N4BP2L1: variants seen among roughly 807,000 people sequenced by gnomAD.
N4BP2L1 encodes NEDD4-binding protein 2-like 1.
N4BP2L1 carries 12 observed loss-of-function variants against 21.2 expected under a neutral mutation model. The ratio of observed to expected loss-of-function variants is 0.57; its 90% CI spans 0.36 to 0.92. The LOEUF is 0.92. Among genes scored for constraint, N4BP2L1 ranks in the 40% least tolerant of loss-of-function variants. N4BP2L1 has a pLI of 0.01. For synonymous variants in N4BP2L1, 104 were observed against 112.8 expected (o/e 0.92, Z 0.49); for missense variants, 259 against 310.6 (o/e 0.83, Z 1.25).
intron 3 of N4BP2L1, chr13:32,406,741 A>AT (rs1017524632): frequency 1.3e-5 from 2 of 154,008 alleles, no homozygotes; most frequent in African/African-American, 4.8e-5. Flanking sequence ...AATTGCTGGG[A>AT]TTACAGGCGT....
chr13:32,404,310 CAAAG>C lies in N4BP2L1; in HGVS notation c.473+7_473+10del, dbSNP rs1406338844. ...GATACATAATGAGGAACTAGAAAAACAAAGAAGTACCTTGCTAACTCTTGAACGT... is the reference window on the plus strand; with the variant it reads ...GATACATAATGAGGAACTAGAAAAACAAGTACCTTGCTAACTCTTGAACGT... On this transcript the variant is annotated splice_region_variant and intron_variant, in intron 4 of 4. Coordinates refer to ENST00000380130, the MANE Select transcript of N4BP2L1 (RefSeq NM_052818.3). The C allele has an allele frequency of 6.2e-7, 1 of 1,611,914 alleles. No individual in the cohort carries two copies. The highest frequency in any genetic ancestry group is 8.5e-7 in the Non-Finnish European group (1 of 1,178,240).
At chr13:32,407,962 T>C (rs948139077) in intron 1 of N4BP2L1, among the ~76,000 whole-genome samples, 190 bp from the exon 2 acceptor site, 7 of 152,226 alleles carry the variant, frequency 4.6e-5, no homozygotes, top group Admixed American at 6.5e-5. Context: ...TAGCAGGAGA[T>C]GGGAGAGGGC....
upstream of N4BP2L1, among the ~76,000 whole-genome samples, chr13:32,429,294 G>A (rs926677264): frequency 1.3e-4 from 20 of 152,300 alleles, no homozygotes; most frequent in African/African-American, 4.6e-4. Flanking sequence ...AGGGCGGAGT[G>A]GGAGATGAGC....
chr13:32,402,558 A>G lies in N4BP2L1; in HGVS notation c.*384T>C, dbSNP rs9590958. The stretch of plus-strand genomic sequence containing the variant: ...TCTCTCCACCTTCCCAACTTTACCG[A>G]TGGAGATGAATTTCCTGAAAAAATA... On this transcript the variant is annotated 3_prime_UTR_variant, in exon 5 of 5. Coordinates refer to ENST00000380130, the MANE Select transcript of N4BP2L1 (RefSeq NM_052818.3). The G allele has an allele frequency of 8.1e-3, 8,032 of 991,736 alleles. 525 individuals carry two copies. In the African/African-American group the frequency reaches 0.13, roughly 16 times the overall value. 61.4% of individuals were successfully genotyped at this position (991,736 alleles called of 1,614,324 possible).
intron 4 of N4BP2L1, chr13:32,404,117 T>C (rs1223587375): frequency 1.9e-6 from 3 of 1,571,602 alleles, no homozygotes; most frequent in Non-Finnish European, 2.6e-6. Flanking sequence ...AGCCAAGATT[T>C]AGCATTTAGC....
intron 1 of N4BP2L1, among the ~76,000 whole-genome samples, chr13:32,423,127 G>T (rs909953479): frequency 6.6e-6 from 1 of 152,142 alleles, no homozygotes; most frequent in African/African-American, 2.4e-5. Context: ...CTGCTTATCT[G>T]GTTGTAAAGT....
At chr13:32,411,852 T>A in intron 1 of N4BP2L1, 1 of 895,798 alleles carries the variant, frequency 1.1e-6, no homozygotes, top group Non-Finnish European at 1.3e-6. Flanking sequence ...AGACATTGCA[T>A]GTAATTTTAA....
At position 32,420,122 on chromosome 13, in the gene N4BP2L1, C is replaced by T. The variant is rs186226243; in HGVS notation, c.179+7782G>A. 4.6e-4 allele frequency among the ~76,000 whole-genome samples: 70 copies of T among 152,368 alleles called. 1 individual carries two copies. The highest frequency in any genetic ancestry group is 1.1e-3 in the Admixed American group (17 of 15,310). On this transcript the variant is annotated intron_variant, in intron 1 of 4. Coordinates refer to ENST00000380130, the MANE Select transcript of N4BP2L1 (RefSeq NM_052818.3). Reference sequence around the variant, plus strand: ...CTCAGGGAACAGTTCCCAGTCTGCCCTACTTCTCTTACCTTTACCCCTCAT... The same window carrying T: ...CTCAGGGAACAGTTCCCAGTCTGCCTTACTTCTCTTACCTTTACCCCTCAT...
chr13:32,415,309 C>T (rs553954380), intron 1 of N4BP2L1, among the ~76,000 whole-genome samples: 1 of 152,286 alleles, frequency 6.6e-6, no homozygotes, highest in Admixed American at 6.5e-5. Flanking sequence ...ACTGCCACAC[C>T]CAACAAAGTG....
chr13:32,425,931 A>AG (rs1420818138), intron 1 of N4BP2L1: 1 of 152,162 alleles, frequency 6.6e-6, no homozygotes, highest in Non-Finnish European at 1.5e-5. Context: ...TCAGACTCCC[A>AG]GGCCAGTGCT....
chr13:32,418,748 G>A (rs1365055800), intron 1 of N4BP2L1, among the ~76,000 whole-genome samples: 1 of 152,230 alleles, frequency 6.6e-6, no homozygotes, highest in Non-Finnish European at 1.5e-5. Flanking sequence ...AGCATGACCT[G>A]GATATGAGAC....
rs1195569206 is a variant in N4BP2L1 at position 32,407,756 on chromosome 13, A to G, written c.196T>C (p.Phe66Leu). The G allele has an allele frequency of 3.8e-6, 6 of 1,598,800 alleles. No homozygotes were observed. The highest frequency in any genetic ancestry group is 5.1e-6 in the Non-Finnish European group (6 of 1,173,746). ...TTLARQLQHD[F>L]PRALIFSTDD... ...GTGCTGAAAATCAGGGCCCTGGGAA[A>G]GTCATGCTGCAATTGTCTGGAAAGT... Residue 66 changes from phenylalanine (F) to leucine (L), a missense_variant, in exon 2 of 5, where the codon TTT (phenylalanine) becomes CTT (leucine). Coordinates refer to ENST00000380130, the MANE Select transcript of N4BP2L1 (RefSeq NM_052818.3).
At chr13:32,427,796 G>T in intron 1 of N4BP2L1, 108 bp downstream of exon 1, 1 of 642,026 alleles carries the variant, frequency 1.6e-6, no homozygotes, top group Non-Finnish European at 2.1e-6. Context: ...AGGCACCCGC[G>T]GCGGGGGCGC....
chr13:32,421,406 C>T (rs899640630), intron 1 of N4BP2L1, among the ~76,000 whole-genome samples: 1 of 151,404 alleles, frequency 6.6e-6, no homozygotes, highest in Admixed American at 6.6e-5. Context: ...GCTGGACAAT[C>T]CTGGCTATAC....
chr13:32,424,436 C>T (rs2074652459), intron 1 of N4BP2L1, among the ~76,000 whole-genome samples: 1 of 152,230 alleles, frequency 6.6e-6, no homozygotes, highest in African/African-American at 2.4e-5. Flanking sequence ...GATGCCACTC[C>T]CCACTGGCCC....
At chr13:32,428,306 G>A (rs2074914037), upstream of N4BP2L1, 2 of 387,732 alleles carry the variant, frequency 5.2e-6, no homozygotes, top group Non-Finnish European at 9.1e-6. Flanking sequence ...GAAAACAAGG[G>A]TGACGCACCC....
intron 1 of N4BP2L1, chr13:32,420,448 A>G (rs1251226771): frequency 1.3e-5 from 2 of 152,226 alleles, no homozygotes; most frequent in African/African-American, 4.8e-5. Flanking sequence ...GTAACTGTAC[A>G]GGAAAACTGT....
At chr13:32,420,685 T>A (rs560729561) in intron 1 of N4BP2L1, 2 of 152,308 alleles carry the variant, frequency 1.3e-5, no homozygotes, top group Admixed American at 1.3e-4. Flanking sequence ...ATCCCATTCA[T>A]TCTTTTTTAT....
chr13:32,405,869 C>G (rs960517170), intron 3 of N4BP2L1, among the ~76,000 whole-genome samples: 1 of 147,806 alleles, frequency 6.8e-6, no homozygotes, highest in Non-Finnish European at 1.5e-5. Flanking sequence ...GAGGAGGATA[C>G]TCCACTATCT....
Sources: allele counts gnomAD v4.1 joint callset (sites outside exome capture counted in the v4.1 genomes callset), GRCh38; gene constraint gnomAD v4.1.1; transcripts MANE v1.5; gene names NCBI Gene and HGNC (gene_info 2026-07-23, HGNC 2026-07-21).